PLCL1: variants seen among roughly 807,000 people sequenced by gnomAD.
The protein encoded by PLCL1 is phospholipase C like 1 (inactive).
In PLCL1, 41 loss-of-function variants were observed where a neutral mutation model predicts 84.4. The ratio of observed to expected loss-of-function variants is 0.49; its 90% CI spans 0.38 to 0.63. The LOEUF (loss-of-function observed/expected upper bound fraction) is 0.63. Among genes scored for constraint, PLCL1 ranks in the 30% least tolerant of loss-of-function variants. The pLI is 0.00. For synonymous variants in PLCL1, 490 were observed against 488.3 expected (o/e 1.00, Z -0.05); for missense variants, 1,206 against 1,367.8 (o/e 0.88, Z 1.87).
chr2:197,862,546 G>T (rs1278441301), intron 1 of PLCL1, among the ~76,000 whole-genome samples: 3 of 152,140 alleles, frequency 2.0e-5, no homozygotes, highest in African/African-American at 7.2e-5. Context: ...GGATGTAGGG[G>T]CCTGAGGAGG....
At chr2:197,964,921 A>C (rs1574972321) in intron 1 of PLCL1, among the ~76,000 whole-genome samples, 1 of 152,102 alleles carries the variant, frequency 6.6e-6, no homozygotes, top group South Asian at 2.1e-4. Context: ...TGCATTCCTA[A>C]GATAAATCCC....
intron 1 of PLCL1, among the ~76,000 whole-genome samples, chr2:197,946,334 C>A (rs1341690770): frequency 6.6e-6 from 1 of 151,940 alleles, no homozygotes; most frequent in Non-Finnish European, 1.5e-5. Context: ...GGAACAGAAA[C>A]TGGGAAAAAT....
In PLCL1 at chr2:197,804,868, C is replaced by T; in HGVS notation, c.-232C>T. The T allele has an allele frequency of 2.4e-6, 1 of 421,498 alleles. No homozygotes were observed. 26.1% of individuals were successfully genotyped at this position (421,498 alleles called of 1,614,324 possible). A position where few individuals can be genotyped will look rare whatever the true frequency, so the allele number is the denominator to read the frequency against. On this transcript the variant is annotated 5_prime_UTR_variant, in exon 1 of 6. Coordinates refer to ENST00000428675, the MANE Select transcript of PLCL1 (RefSeq NM_006226.4). Reference sequence around the variant, plus strand: ...GCCTCCCCACTCCCGCCACCGTCCCCCGCCGGACTGCTAGCCTCCTAGACC... The same window carrying T: ...GCCTCCCCACTCCCGCCACCGTCCCTCGCCGGACTGCTAGCCTCCTAGACC...
At chr2:198,139,506 G>A (rs1574340628) in intron 5 of PLCL1, among the ~76,000 whole-genome samples, 1 of 152,086 alleles carries the variant, frequency 6.6e-6, no homozygotes, top group African/African-American at 2.4e-5. Context: ...TTTCTGGTGT[G>A]CCTGCCTGAC....
intron 1 of PLCL1, among the ~76,000 whole-genome samples, chr2:197,863,674 A>G: frequency 6.6e-6 from 1 of 152,182 alleles, no homozygotes; most frequent in East Asian, 1.9e-4. Flanking sequence ...TAAATAGGTG[A>G]TCATCTAATC....
At chr2:197,924,094 GCAGTA>G (rs1343914023) in intron 1 of PLCL1, among the ~76,000 whole-genome samples, 1 of 145,044 alleles carries the variant, frequency 6.9e-6, no homozygotes, top group Non-Finnish European at 1.5e-5. Flanking sequence ...CGAGATGGCA[GCAGTA>G]CAGTCCAGCT....
intron 1 of PLCL1, among the ~76,000 whole-genome samples, chr2:197,862,178 T>C (rs1249216546): frequency 6.6e-6 from 1 of 152,196 alleles, no homozygotes; most frequent in African/African-American, 2.4e-5. Flanking sequence ...TAAATGATTA[T>C]GAGAATCAAC....
chr2:197,973,285 G>A (rs959553164), intron 1 of PLCL1, among the ~76,000 whole-genome samples: 3 of 152,176 alleles, frequency 2.0e-5, no homozygotes, highest in Non-Finnish European at 2.9e-5. Context: ...TTGGGAGCTG[G>A]TGGAAACCAA....
chr2:198,113,566 C>T (rs1291400584), intron 5 of PLCL1, among the ~76,000 whole-genome samples: 1 of 151,740 alleles, frequency 6.6e-6, no homozygotes, highest in East Asian at 1.9e-4. Context: ...ATGGGAGAGG[C>T]CAGGGAAGTA....
intron 5 of PLCL1, among the ~76,000 whole-genome samples, chr2:198,126,776 A>G (rs912966179): frequency 6.6e-6 from 1 of 152,018 alleles, no homozygotes; most frequent in African/African-American, 2.4e-5. Context: ...ATGGTGGCAC[A>G]TATCTATAGT....
chr2:197,877,816 G>C (rs1159981429), intron 1 of PLCL1, among the ~76,000 whole-genome samples: 2 of 152,156 alleles, frequency 1.3e-5, no homozygotes, highest in Non-Finnish European at 2.9e-5. Context: ...TTTTGTAACA[G>C]AGTTCTCAAA....
intron 1 of PLCL1, among the ~76,000 whole-genome samples, chr2:198,083,149 A>G (rs954803817): frequency 6.6e-6 from 1 of 152,204 alleles, no homozygotes; most frequent in Non-Finnish European, 1.5e-5. Flanking sequence ...GAATTCCTAT[A>G]ATGTTAAAAT....
intron 1 of PLCL1, among the ~76,000 whole-genome samples, chr2:198,071,753 T>G (rs951953895): frequency 6.6e-6 from 1 of 151,902 alleles, no homozygotes; most frequent in Non-Finnish European, 1.5e-5. Flanking sequence ...AATCTATCAA[T>G]CTTTTCCTCT....
intron 1 of PLCL1, among the ~76,000 whole-genome samples, chr2:197,870,219 C>A (rs1687625845): frequency 6.6e-6 from 1 of 152,056 alleles, no homozygotes; most frequent in Non-Finnish European, 1.5e-5. Flanking sequence ...CTAAGGGGAG[C>A]TTTGCTGCTT....
chr2:197,942,521 C>G (rs560050749), intron 1 of PLCL1, among the ~76,000 whole-genome samples: 1 of 152,122 alleles, frequency 6.6e-6, no homozygotes, highest in African/African-American at 2.4e-5. Context: ...ATCAATTTCT[C>G]CCTATAGCAG....
chr2:198,101,445 A>C (rs1475424075), intron 4 of PLCL1, 85 bp downstream of exon 4: 1 of 723,140 alleles, frequency 1.4e-6, no homozygotes, highest in Admixed American at 2.8e-5. Context: ...TTTTTTTCAG[A>C]AACTTTCTGC....
chr2:198,015,911 C>G (rs1055567961), intron 1 of PLCL1, among the ~76,000 whole-genome samples: 2 of 152,066 alleles, frequency 1.3e-5, no homozygotes, highest in Non-Finnish European at 2.9e-5. Flanking sequence ...ATATATATGA[C>G]TATCTTGCTG....
chr2:198,046,508 T>C (rs930755130), intron 1 of PLCL1, among the ~76,000 whole-genome samples: 3 of 152,174 alleles, frequency 2.0e-5, no homozygotes, highest in Non-Finnish European at 4.4e-5. Context: ...GAAAGATATA[T>C]CACTTTATAA....
intron 1 of PLCL1, among the ~76,000 whole-genome samples, chr2:197,847,076 C>A (rs1254572895): frequency 6.6e-6 from 1 of 151,864 alleles, no homozygotes; most frequent in African/African-American, 2.4e-5. Flanking sequence ...CTCAGTAGTC[C>A]CAGTGAGAAA....
Sources: gnomAD v4.1 joint callset for allele counts (sites outside exome capture counted in the v4.1 genomes callset) on GRCh38, gnomAD v4.1.1 for gene constraint, MANE v1.5 for transcripts, NCBI Gene and HGNC (gene_info 2026-07-23, HGNC 2026-07-21) for gene names.